DRAXIN: variants seen among roughly 807,000 people sequenced by gnomAD.
DRAXIN encodes dorsal inhibitory axon guidance protein.
In DRAXIN, 27 loss-of-function variants were observed where a neutral mutation model predicts 33.9. The observed-to-expected ratio is 0.80, with a 90% CI of 0.59 to 1.10. DRAXIN has a LOEUF of 1.10. Among genes scored for constraint, DRAXIN ranks in the 50% least tolerant of loss-of-function variants. DRAXIN has a pLI of 0.00. For missense variants in DRAXIN, 371 were observed against 460.8 expected, an observed-to-expected ratio of 0.81 and a Z score of 1.78; for synonymous variants, 178 against 194.0, an observed-to-expected ratio of 0.92 and a Z score of 0.69.
At chr1:11,714,533 G>A (rs946485297) in intron 5 of DRAXIN, among the ~76,000 whole-genome samples, 7 of 152,248 alleles carry the variant, frequency 4.6e-5, no homozygotes, top group South Asian at 4.1e-4. Flanking sequence ...ACGGCACCAC[G>A]ATTGTTAGAT....
chr1:11,686,807 T>TA (rs560855200), upstream of DRAXIN, among the ~76,000 whole-genome samples: 19,789 of 104,136 alleles, frequency 0.19, 2,381 homozygotes, highest in African/African-American at 0.35. Flanking sequence ...ACTGCCACTT[T>TA]AAAAAAAAAA....
intron 1 of DRAXIN, among the ~76,000 whole-genome samples, chr1:11,698,681 C>T (rs892323139): frequency 6.6e-6 from 1 of 152,140 alleles, no homozygotes; most frequent in Non-Finnish European, 1.5e-5. Flanking sequence ...AGGGAGAGAC[C>T]TCATCTCAAC....
At chr1:11,715,807 A>G (rs1641569052) in intron 6 of DRAXIN, among the ~76,000 whole-genome samples, 2 of 152,214 alleles carry the variant, frequency 1.3e-5, no homozygotes, top group South Asian at 2.1e-4. Context: ...AAATAAGCCA[A>G]CTGGGGCACA....
Position 11,719,787 on chromosome 1 carries a change from C to A in DRAXIN, c.*91C>A. 1 of 1,169,380 alleles carries A rather than the reference C, an allele frequency of 8.6e-7. No homozygotes were observed. Among genetic ancestry groups the A allele is most frequent in the Non-Finnish European group, 1.2e-6 (1 of 802,118 alleles). The allele number at this position is 1,169,380 out of a possible 1,614,324, so 72.4% of individuals were successfully genotyped here. A position where few individuals can be genotyped will look rare whatever the true frequency, so the allele number is the denominator to read the frequency against. On this transcript the variant is annotated 3_prime_UTR_variant, in exon 7 of 7. Transcript: ENST00000294485. ...AGCAGTGGGAGATCAAGTTGGGGAACAGATGGCTGAGGCTGCAGACTCAGG... is the reference window on the plus strand; with the variant it reads ...AGCAGTGGGAGATCAAGTTGGGGAAAAGATGGCTGAGGCTGCAGACTCAGG...
chr1:11,701,863 G>A (rs1641280069), intron 1 of DRAXIN, among the ~76,000 whole-genome samples: 2 of 152,188 alleles, frequency 1.3e-5, no homozygotes, highest in South Asian at 2.1e-4. Flanking sequence ...TCCTTGGCAC[G>A]ACTTCTGTAG....
At chr1:11,717,845 A>AT (rs1641600774) in intron 6 of DRAXIN, among the ~76,000 whole-genome samples, 1 of 149,178 alleles carries the variant, frequency 6.7e-6, no homozygotes, top group African/African-American at 2.5e-5. Context: ...AAAAAAAAAA[A>AT]TTAGCCGGGT....
intron 1 of DRAXIN, among the ~76,000 whole-genome samples, chr1:11,693,444 C>T (rs750970753): frequency 4.6e-5 from 7 of 152,112 alleles, no homozygotes; most frequent in Non-Finnish European, 7.4e-5. Flanking sequence ...GTGGTCATAA[C>T]ATGTGACACA....
rs1307578639 is a variant in DRAXIN, at chr1:11,694,862, C to T, written c.-11+3009C>T. On this transcript the variant is annotated intron_variant, in intron 1 of 6. Transcript: ENST00000294485. This position sits in a 1 kb window ranked among gnomAD's most constrained non-coding sequence, Gnocchi z 4.9. Reference sequence around the variant, plus strand: ...GCCACCCCAGGTTCCAGCTTGACAACGCCCCATGCCCCAACACCATGACCC... The same window carrying T: ...GCCACCCCAGGTTCCAGCTTGACAATGCCCCATGCCCCAACACCATGACCC... Among the ~76,000 whole-genome samples, 10 of 152,310 alleles carry T rather than the reference C, an allele frequency of 6.6e-5. No homozygotes were observed. The highest frequency in any genetic ancestry group is 1.9e-4 in the East Asian group (1 of 5,186).
intron 1 of DRAXIN, among the ~76,000 whole-genome samples, chr1:11,693,976 C>G (rs1002780333): frequency 6.6e-6 from 1 of 152,182 alleles, no homozygotes. Context: ...TCTCCACAGT[C>G]TGCCCTCCTC....
chr1:11,711,207 T>C (rs1171639969), intron 3 of DRAXIN, among the ~76,000 whole-genome samples: 1 of 152,240 alleles, frequency 6.6e-6, no homozygotes, highest in African/African-American at 2.4e-5. Context: ...CCCTTGAGAT[T>C]GTGATAAAAG....
chr1:11,691,648 C>T (rs1641070157), upstream of DRAXIN: 1 of 149,780 alleles, frequency 6.7e-6, no homozygotes, highest in African/African-American at 2.4e-5. Context: ...GCCGCCCCTC[C>T]TCTGTCCCCT....
At chr1:11,707,714 C>T (rs750382452) in intron 2 of DRAXIN, among the ~76,000 whole-genome samples, 25 of 152,202 alleles carry the variant, frequency 1.6e-4, no homozygotes, top group Non-Finnish European at 3.5e-4. Flanking sequence ...CTCCCCTAGC[C>T]CTTCCCACCT....
chr1:11,690,319 C>G (rs369308223), upstream of DRAXIN, among the ~76,000 whole-genome samples: 23 of 152,216 alleles, frequency 1.5e-4, no homozygotes, highest in East Asian at 1.9e-3. The surrounding 1 kb of genome is among the most constrained non-coding windows in gnomAD (Gnocchi z 4.2). Context: ...ATAAACAGTT[C>G]AGTGTTCTCA....
At chr1:11,719,043 G>A (rs1273127236) in intron 6 of DRAXIN, among the ~76,000 whole-genome samples, 6 of 152,140 alleles carry the variant, frequency 3.9e-5, no homozygotes. Context: ...GGGGATTACA[G>A]GCACCCACCA....
upstream of DRAXIN, among the ~76,000 whole-genome samples, chr1:11,690,840 C>T (rs1641048520): frequency 6.6e-6 from 1 of 152,196 alleles, no homozygotes; most frequent in Non-Finnish European, 1.5e-5. This position sits in a 1 kb window ranked among gnomAD's most constrained non-coding sequence, Gnocchi z 4.2. Context: ...GATGAGCCGG[C>T]CCCAGCGCTG....
intron 1 of DRAXIN, among the ~76,000 whole-genome samples, chr1:11,699,262 C>T (rs1641236441): frequency 6.6e-6 from 1 of 152,130 alleles, no homozygotes; most frequent in African/African-American, 2.4e-5. Flanking sequence ...GAAATTCGAT[C>T]CGTAATCCCA....
rs148018140 is a variant in DRAXIN at position 11,693,088 on chromosome 1, G to A, written c.-11+1235G>A. Among the ~76,000 whole-genome samples the A allele has an allele frequency of 1.4e-4, 21 of 152,112 alleles. No individual in the cohort carries two copies. In the East Asian group the frequency reaches 4.1e-3, roughly 29 times the overall value. ...AGCCTCTTCCCCCATCACACTTCCT[G>A]TCACCTTCACCTCCTCGTGCCCATA... On this transcript the variant is annotated intron_variant, in intron 1 of 6. Coordinates refer to ENST00000294485, the MANE Select transcript of DRAXIN (RefSeq NM_198545.4).
chr1:11,700,922 C>T (rs113577608), intron 1 of DRAXIN, among the ~76,000 whole-genome samples: 1 of 152,246 alleles, frequency 6.6e-6, no homozygotes, highest in African/African-American at 2.4e-5. Context: ...CCACAGTTGT[C>T]CCTCAGGCAG....
intron 6 of DRAXIN, 135 bp downstream of exon 6, chr1:11,715,343 G>C (rs575223709): frequency 5.7e-6 from 6 of 1,049,118 alleles, no homozygotes; most frequent in Non-Finnish European, 8.5e-6. Flanking sequence ...TGCGGCGGGG[G>C]TGTAGGTGGG....
Sources: gnomAD v4.1 joint callset for allele counts (sites outside exome capture counted in the v4.1 genomes callset) on GRCh38, gnomAD v4.1.1 for gene constraint, Gnocchi (gnomAD v3.1) non-coding constraint, MANE v1.5 for transcripts, NCBI Gene and HGNC (gene_info 2026-07-23, HGNC 2026-07-21) for gene names.